Variants in MRTFB observed in about 807,000 individuals in gnomAD.
The protein encoded by MRTFB is myocardin-related transcription factor B.
Under a neutral mutation model 104.2 loss-of-function variants are expected in MRTFB, and 29 were observed. The observed-to-expected ratio is 0.28, with a 90% CI of 0.21 to 0.38. MRTFB has a LOEUF of 0.38. Ranked by LOEUF, MRTFB falls within the 10% of genes least tolerant of loss-of-function variation. The pLI is 1.00. For synonymous variants in MRTFB, 535 were observed against 519.5 expected, an observed-to-expected ratio of 1.03 and a Z score of -0.41; for missense variants, 1,270 against 1,341.6, an observed-to-expected ratio of 0.95 and a Z score of 0.83.
intron 3 of MRTFB, among the ~76,000 whole-genome samples, chr16:14,145,644 A>G (rs1344205459): frequency 2.0e-5 from 3 of 152,254 alleles, no homozygotes; most frequent in Non-Finnish European, 4.4e-5. Flanking sequence ...AACTTTTCCT[A>G]ACAAGTGAGG....
chr16:14,008,148 T>A, the MRTFB span, among the ~76,000 whole-genome samples: 1 of 152,168 alleles, frequency 6.6e-6, no homozygotes, highest in Admixed American at 6.5e-5. Context: ...GGAGGATCAC[T>A]TGAGCCTAGG....
rs1159710857 is a variant in MRTFB at position 14,247,215 on chromosome 16, A to G, written c.1955A>G (p.Gln652Arg). The G allele has an allele frequency of 6.2e-7, 1 of 1,614,192 alleles. No homozygotes were observed. The highest frequency in any genetic ancestry group is 1.3e-5 in the African/African-American group (1 of 75,064). The change falls in exon 12 of 17, where the codon CAG becomes CGG. Residue 652 changes from glutamine to arginine, a missense_variant. Physicochemically the swap from Gln to Arg is conservative, Grantham distance 43. Coordinates refer to ENST00000571589, the MANE Select transcript of MRTFB (RefSeq NM_001308142.2). Reference sequence around the variant, plus strand: ...CTCCCTGACTGCTCCAGCTCCAGGCAGCCCATCCCAGTAGCCAGCCACGCT... The same window carrying G: ...CTCCCTGACTGCTCCAGCTCCAGGCGGCCCATCCCAGTAGCCAGCCACGCT... ...ASLPDCSSSR[Q>R]PIPVASHAVG...
chr16:14,098,172 C>G (rs1475229396), intron 2 of MRTFB, among the ~76,000 whole-genome samples: 1 of 152,106 alleles, frequency 6.6e-6, no homozygotes, highest in East Asian at 1.9e-4. Flanking sequence ...CAAACTGTTT[C>G]CAAGTTGTCA....
chr16:14,149,247 A>C (rs971101120), intron 3 of MRTFB: 1 of 152,178 alleles, frequency 6.6e-6, no homozygotes, highest in South Asian at 2.1e-4. Context: ...TGTTGTTTTC[A>C]TTAAGAAAAT....
intron 3 of MRTFB, among the ~76,000 whole-genome samples, chr16:14,178,899 G>A (rs2039676782): frequency 6.6e-6 from 1 of 152,008 alleles, no homozygotes; most frequent in Non-Finnish European, 1.5e-5. Flanking sequence ...AGAGGTGCAC[G>A]CCACCACACT....
chr16:14,038,094 C>T, the MRTFB span, among the ~76,000 whole-genome samples: 1 of 152,160 alleles, frequency 6.6e-6, no homozygotes, highest in African/African-American at 2.4e-5. Flanking sequence ...TCTCACAGTT[C>T]TGGAGGCTAG....
intron 3 of MRTFB, among the ~76,000 whole-genome samples, chr16:14,156,219 A>G (rs2038823195): frequency 1.3e-5 from 2 of 152,210 alleles, no homozygotes; most frequent in Admixed American, 1.3e-4. Flanking sequence ...GTTAAGTCCA[A>G]TGATTGTTAT....
the MRTFB span, among the ~76,000 whole-genome samples, chr16:14,027,398 A>G: frequency 6.6e-6 from 1 of 152,222 alleles, no homozygotes; most frequent in African/African-American, 2.4e-5. Context: ...CAACTATAAC[A>G]GGGTCTGAAG....
At position 14,261,008 on chromosome 16, in the gene MRTFB, G is replaced by T; in HGVS notation, c.2864G>T (p.Arg955Leu). ...ATGCCAGTGAATACAGTGGTGTCCC[G>T]GCCACCACCCCAAGTCCAAATGGCA... ...TTMPVNTVVS[R>L]PPPQVQMAPP... is the part of the protein sequence containing the mutation. Residue 955 changes from arginine to leucine, a missense_variant, in exon 17 of 17, where the codon CGG (arginine) becomes CTG (leucine). Physicochemically the swap from Arg to Leu is moderately radical, Grantham distance 102 (BLOSUM62 -2). This residue lies in a region of MRTFB where 1,144 missense variants were observed against 1,131.5 expected (regional missense o/e 1.01). Coordinates refer to ENST00000571589, the MANE Select transcript of MRTFB (RefSeq NM_001308142.2). 1 of 1,614,056 alleles carries T rather than the reference G, an allele frequency of 6.2e-7. No homozygotes were observed. The highest frequency in any genetic ancestry group is 8.5e-7 in the Non-Finnish European group (1 of 1,180,012).
intron 2 of MRTFB, among the ~76,000 whole-genome samples, chr16:14,107,851 G>A (rs1298646358): frequency 1.3e-5 from 2 of 152,236 alleles, no homozygotes; most frequent in South Asian, 2.1e-4. Flanking sequence ...GGCACAGTAG[G>A]TGTTGTTGGG....
intron 2 of MRTFB, among the ~76,000 whole-genome samples, chr16:14,124,030 A>G (rs8059242): frequency 0.12 from 18,166 of 152,126 alleles, 2,429 homozygotes; most frequent in African/African-American, 0.33. Context: ...TTCAGTAGCA[A>G]TTGTGAATGG....
the MRTFB span, among the ~76,000 whole-genome samples, chr16:14,017,631 A>G: frequency 1.1e-3 from 44 of 38,626 alleles, 3 homozygotes; most frequent in South Asian, 2.5e-3. Flanking sequence ...ATATATATAT[A>G]TATATATATG....
the MRTFB span, among the ~76,000 whole-genome samples, chr16:14,024,778 G>A: frequency 6.6e-6 from 1 of 152,070 alleles, no homozygotes. Flanking sequence ...TACCTTACAG[G>A]TTTTAATAGG....
chr16:14,229,741 C>A (rs1739471348), intron 8 of MRTFB, among the ~76,000 whole-genome samples: 1 of 151,950 alleles, frequency 6.6e-6, no homozygotes, highest in African/African-American at 2.4e-5. Context: ...ATCAACAGTG[C>A]CTTTTTAGTT....
At chr16:14,220,489 CTG>C (rs1167026541) in intron 8 of MRTFB, among the ~76,000 whole-genome samples, 2 of 152,212 alleles carry the variant, frequency 1.3e-5, no homozygotes, top group Non-Finnish European at 2.9e-5. Context: ...GCTGGTACTA[CTG>C]TGTTTTATTT....
intron 2 of MRTFB, among the ~76,000 whole-genome samples, chr16:14,125,057 AG>A (rs1201464240): frequency 1.3e-5 from 2 of 152,234 alleles, no homozygotes. Context: ...CTTCAAATAA[AG>A]ACCCCACTGG....
At chr16:14,225,524 C>T (rs973583197) in intron 8 of MRTFB, among the ~76,000 whole-genome samples, 2 of 152,124 alleles carry the variant, frequency 1.3e-5, no homozygotes, top group East Asian at 1.9e-4. Flanking sequence ...CAAACCTACC[C>T]CCAAAAGCTG....
intron 2 of MRTFB, among the ~76,000 whole-genome samples, chr16:14,132,427 A>G (rs560014566): frequency 6.6e-6 from 1 of 152,302 alleles, no homozygotes; most frequent in Admixed American, 6.5e-5. Flanking sequence ...AGAACCCAAA[A>G]GTATTTTGAA....
At chr16:14,256,721 C>T (rs1443637210) in intron 15 of MRTFB, among the ~76,000 whole-genome samples, 1 of 152,236 alleles carries the variant, frequency 6.6e-6, no homozygotes, top group Non-Finnish European at 1.5e-5. Flanking sequence ...AAGCCAGAAC[C>T]ACCCATCAAA....
Sources: allele counts gnomAD v4.1 joint callset (sites outside exome capture counted in the v4.1 genomes callset), GRCh38; gene constraint gnomAD v4.1.1; regional missense constraint gnomAD v4.1.1; transcripts MANE v1.5; gene names NCBI Gene and HGNC (gene_info 2026-07-23, HGNC 2026-07-21).